CHD6: variants seen among roughly 807,000 people sequenced by gnomAD.
CHD6 encodes the protein ATP-dependent chromatin remodeler CHD6.
Under a neutral mutation model 276.9 loss-of-function variants are expected in CHD6, and 50 were observed. The ratio of observed to expected loss-of-function variants is 0.18; its 90% confidence interval spans 0.14 to 0.23. The LOEUF (loss-of-function observed/expected upper bound fraction) is 0.23, where lower values mean the gene tolerates loss of function less well. Ranked by LOEUF, CHD6 falls within the 10% of genes least tolerant of loss-of-function variation. The pLI is 1.00. For missense variants in CHD6, 2,564 were observed against 3,365.8 expected, an observed-to-expected ratio of 0.76 and a Z score of 5.89; for synonymous variants, 1,173 against 1,229.3, an observed-to-expected ratio of 0.95 and a Z score of 0.96.
At position 41,501,721 on chromosome 20, in the gene CHD6, C is replaced by CAATA. The variant is rs1048495329; in HGVS notation, c.853-2368_853-2365dup. ...GATGTCTAATTTTAATAAATATTGT[C>CAATA]AATAAATAAATAAATAATATTGTCA... is the stretch of plus-strand genomic sequence containing the variant. On this transcript the variant is annotated intron_variant, in intron 5 of 36. Coordinates refer to ENST00000373233, the MANE Select transcript of CHD6 (RefSeq NM_032221.5). 4.6e-5 allele frequency among the ~76,000 whole-genome samples: 7 copies of CAATA among 152,044 alleles called. No homozygotes were observed. The South Asian group carries it at 8.3e-4, about 18-fold the overall frequency.
chr20:41,560,865 C>T (rs2045294188), intron 1 of CHD6, among the ~76,000 whole-genome samples: 1 of 151,718 alleles, frequency 6.6e-6, no homozygotes, highest in South Asian at 2.1e-4. Flanking sequence ...CCCGATTCTA[C>T]TCCCCACTCC....
chr20:41,462,252 T>A (rs972561192), intron 17 of CHD6, among the ~76,000 whole-genome samples: 2 of 152,242 alleles, frequency 1.3e-5, no homozygotes, highest in Non-Finnish European at 2.9e-5. Flanking sequence ...TGTATTTCTT[T>A]AATCATGTTG....
intron 11 of CHD6, among the ~76,000 whole-genome samples, chr20:41,491,255 G>A (rs886793429): frequency 6.6e-6 from 1 of 150,540 alleles, no homozygotes; most frequent in South Asian, 2.1e-4. Context: ...AAAGAGTCAA[G>A]AAGTTTTAAA....
chr20:41,443,476 G>C (rs981296333), intron 25 of CHD6, among the ~76,000 whole-genome samples: 2 of 152,236 alleles, frequency 1.3e-5, no homozygotes, highest in South Asian at 4.2e-4. Context: ...TATCTTCCTG[G>C]TGAGTTGTAT....
chr20:41,593,555 C>T (rs976921952), intron 1 of CHD6, among the ~76,000 whole-genome samples: 21 of 152,136 alleles, frequency 1.4e-4, no homozygotes, highest in Non-Finnish European at 4.4e-5. Flanking sequence ...TGGTGACAAC[C>T]CCCCAAAAAC....
At chr20:41,566,471 G>T (rs947213132) in intron 1 of CHD6, among the ~76,000 whole-genome samples, 1 of 152,100 alleles carries the variant, frequency 6.6e-6, no homozygotes, top group Non-Finnish European at 1.5e-5. Flanking sequence ...TCTGAAACTG[G>T]AAAGACCTCC....
chr20:41,498,750 T>A (rs1332499315), intron 6 of CHD6, among the ~76,000 whole-genome samples: 1 of 152,006 alleles, frequency 6.6e-6, no homozygotes, highest in East Asian at 1.9e-4. Flanking sequence ...CCCCCACGTT[T>A]CCATTAGGAC....
intron 1 of CHD6, among the ~76,000 whole-genome samples, chr20:41,593,224 A>C (rs562044494): frequency 6.6e-6 from 1 of 151,316 alleles, no homozygotes; most frequent in African/African-American, 2.4e-5. Context: ...GTTAAATAGT[A>C]AAAGAGGGAT....
chr20:41,493,816 G>A (rs372861102), intron 9 of CHD6, 42 bp downstream of exon 9: 13 of 1,581,570 alleles, frequency 8.2e-6, no homozygotes, highest in South Asian at 2.2e-5. Flanking sequence ...AGTGAAATAC[G>A]TGGAAAGAAG....
rs137968257 is a variant in CHD6 at position 41,596,673 on chromosome 20, A to G, written c.-24+21667T>C. The stretch of plus-strand genomic sequence containing the variant: ...TGCCTTGAACCCAAAGTATTTCCCG[A>G]GCATTTAATATACAGCAGGGAAAAG... On this transcript the variant is annotated intron_variant, in intron 1 of 36. Coordinates refer to ENST00000373233, the MANE Select transcript of CHD6 (RefSeq NM_032221.5). Among the ~76,000 whole-genome samples the G allele has an allele frequency of 4.6e-3, 695 of 152,290 alleles. 5 individuals are homozygous for G. Among genetic ancestry groups the G allele is most frequent in the African/African-American group, 0.016 (666 of 41,568 alleles).
At chr20:41,511,123 G>A (rs2044107401) in intron 5 of CHD6, among the ~76,000 whole-genome samples, 1 of 152,198 alleles carries the variant, frequency 6.6e-6, no homozygotes, top group South Asian at 2.1e-4. Context: ...CAAACACAGA[G>A]TGAAAGAATA....
chr20:41,582,156 C>A lies in CHD6; in HGVS notation c.-23-30796G>T, dbSNP rs557940759. On this transcript the variant is annotated intron_variant, in intron 1 of 36. Coordinates refer to ENST00000373233, the MANE Select transcript of CHD6 (RefSeq NM_032221.5). ...CAATTACTTAAAAAAAAAACCTACA[C>A]CTAAAATGTAGTTAAAGAATCTACA... is the stretch of plus-strand genomic sequence containing the variant. Among the ~76,000 whole-genome samples the A allele has an allele frequency of 5.3e-5, 8 of 152,108 alleles. No homozygotes were observed. In the South Asian group the frequency reaches 1.7e-3, roughly 32 times the overall value.
intron 2 of CHD6, among the ~76,000 whole-genome samples, chr20:41,537,938 T>A (rs1212245879): frequency 6.6e-6 from 1 of 152,186 alleles, no homozygotes; most frequent in Non-Finnish European, 1.5e-5. Context: ...TACACACAAA[T>A]GTTCACAGCA....
In CHD6 at chr20:41,439,990, G is replaced by A. The variant is rs765834578; in HGVS notation, c.4007+10C>T. On this transcript the variant is annotated intron_variant, in intron 26 of 36. Transcript: ENST00000373233. ...ATGTCACATGAGGGCTGGCCTACGT[G>A]GCTTCTCACCTTTCAGGAATGTCTG... 1 of 1,613,576 alleles carries A rather than the reference G, an allele frequency of 6.2e-7. No homozygotes were observed. Among genetic ancestry groups the A allele is most frequent in the East Asian group, 2.2e-5 (1 of 44,856 alleles).
Position 41,548,735 on chromosome 20 carries a change from A to C in CHD6, c.33+2570T>G, listed in dbSNP as rs572656430. ...CTACAAAATGGGAGAAAATTTTCGCAACCTACTCATCTGACAAAGGGCTAA... is the reference window on the plus strand; with the variant it reads ...CTACAAAATGGGAGAAAATTTTCGCCACCTACTCATCTGACAAAGGGCTAA... On this transcript the variant is annotated intron_variant, in intron 2 of 36. Coordinates refer to ENST00000373233, the MANE Select transcript of CHD6 (RefSeq NM_032221.5). Among the ~76,000 whole-genome samples, 374 of 152,300 alleles carry C rather than the reference A, an allele frequency of 2.5e-3. 2 individuals are homozygous for C. The highest frequency in any genetic ancestry group is 7.1e-3 in the African/African-American group (294 of 41,568).
chr20:41,563,494 G>C lies in CHD6; in HGVS notation c.-23-12134C>G, dbSNP rs531619073. 4.6e-5 allele frequency among the ~76,000 whole-genome samples: 7 copies of C among 152,222 alleles called. 1 individual carries two copies. The highest frequency in any genetic ancestry group is 1.7e-4 in the African/African-American group (7 of 41,552). On this transcript the variant is annotated intron_variant, in intron 1 of 36. Coordinates refer to ENST00000373233, the MANE Select transcript of CHD6 (RefSeq NM_032221.5). ...ACAATCAGAACTGAATGGGATCTCT[G>C]AGGTCACATGGCCAAACTCTTTGAT...
At chr20:41,503,270 T>C (rs945138230) in intron 5 of CHD6, among the ~76,000 whole-genome samples, 1 of 152,234 alleles carries the variant, frequency 6.6e-6, no homozygotes, top group Non-Finnish European at 1.5e-5. Flanking sequence ...ATATTATCTT[T>C]ATATATCCAG....
At chr20:41,420,189 T>C (rs1049858995) in intron 31 of CHD6, among the ~76,000 whole-genome samples, 1 of 152,226 alleles carries the variant, frequency 6.6e-6, no homozygotes, top group East Asian at 1.9e-4. Flanking sequence ...TGAAGCACCT[T>C]ATCTAGGGGA....
chr20:41,483,847 T>C (rs1044666275), intron 15 of CHD6, among the ~76,000 whole-genome samples: 1 of 152,184 alleles, frequency 6.6e-6, no homozygotes, highest in African/African-American at 2.4e-5. Context: ...TCACAAAGAC[T>C]GTAAGATAAT....
Sources: gnomAD v4.1 joint callset for allele counts (sites outside exome capture counted in the v4.1 genomes callset) on GRCh38, gnomAD v4.1.1 for gene constraint, MANE v1.5 for transcripts, NCBI Gene and HGNC (gene_info 2026-07-23, HGNC 2026-07-21) for gene names.